ATP6V1D: variants seen among roughly 807,000 people sequenced by gnomAD.
The protein encoded by ATP6V1D is ATPase H+ transporting V1 subunit D.
Under a neutral mutation model 39.4 loss-of-function variants are expected in ATP6V1D, and 20 were observed. The observed-to-expected ratio is 0.51, with a 90% confidence interval of 0.36 to 0.74. ATP6V1D has a LOEUF of 0.74. Among genes scored for constraint, ATP6V1D ranks in the 30% least tolerant of loss-of-function variants. The pLI, the probability that ATP6V1D is intolerant of heterozygous loss-of-function variation, is 0.00. For synonymous variants in ATP6V1D, 100 were observed against 100.5 expected, an observed-to-expected ratio of 0.99 and a Z score of 0.03; for missense variants, 228 against 291.6, an observed-to-expected ratio of 0.78 and a Z score of 1.59.
chr14:67,339,768 T>C (rs930678323), intron 8 of ATP6V1D, among the ~76,000 whole-genome samples: 1 of 152,152 alleles, frequency 6.6e-6, no homozygotes, highest in African/African-American at 2.4e-5. Flanking sequence ...AGTTTTTATG[T>C]AGGAGGCACC....
chr14:67,344,250 C>T (rs1314074754), intron 6 of ATP6V1D, among the ~76,000 whole-genome samples: 1 of 152,206 alleles, frequency 6.6e-6, no homozygotes, highest in Non-Finnish European at 1.5e-5. Context: ...TTCTCCTAAA[C>T]TTTCCCATAA....
At chr14:67,345,718 G>A (rs1230635745) in intron 6 of ATP6V1D, 50 bp downstream of exon 6, 4 of 1,294,858 alleles carry the variant, frequency 3.1e-6, no homozygotes, top group Non-Finnish European at 4.5e-6. Context: ...TCCTCCACTT[G>A]ACTGTTACAA....
intron 2 of ATP6V1D, among the ~76,000 whole-genome samples, chr14:67,351,862 A>G (rs766066506): frequency 1.4e-5 from 2 of 147,398 alleles, no homozygotes; most frequent in Non-Finnish European, 1.5e-5. Flanking sequence ...CGTGGAAAAA[A>G]TATTTTTAAC....
chr14:67,344,808 G>A (rs533806616), intron 6 of ATP6V1D, among the ~76,000 whole-genome samples: 1 of 151,846 alleles, frequency 6.6e-6, no homozygotes, highest in South Asian at 2.1e-4. Context: ...TTGAGCCCAG[G>A]AGATCCAGGC....
intron 3 of ATP6V1D, among the ~76,000 whole-genome samples, chr14:67,349,442 T>C (rs1029278123): frequency 6.6e-6 from 1 of 152,246 alleles, no homozygotes; most frequent in African/African-American, 2.4e-5. Flanking sequence ...AAAACTCCTT[T>C]CTAGGTTTGC....
chr14:67,342,370 T>C (rs1230403707), intron 7 of ATP6V1D, among the ~76,000 whole-genome samples: 2 of 152,020 alleles, frequency 1.3e-5, no homozygotes, highest in South Asian at 2.1e-4. Context: ...CAACACTGAA[T>C]GTGCTGAATT....
chr14:67,351,698 T>C (rs1004190533), intron 2 of ATP6V1D, among the ~76,000 whole-genome samples: 6 of 151,912 alleles, frequency 3.9e-5, no homozygotes, highest in East Asian at 3.9e-4. Context: ...TCTTCTTCTT[T>C]TTTGTAGAGA....
chr14:67,341,948 G>A (rs2085587629), intron 7 of ATP6V1D, among the ~76,000 whole-genome samples: 1 of 151,806 alleles, frequency 6.6e-6, no homozygotes. Flanking sequence ...ATTAAGGGCG[G>A]TGCAAGATGT....
At chr14:67,355,449 C>CAAA (rs564931669) in intron 1 of ATP6V1D, among the ~76,000 whole-genome samples, 314 of 18,874 alleles carry the variant, frequency 0.017, 17 homozygotes, top group Middle Eastern at 0.1. Context: ...GACCCTGTCT[C>CAAA]AAAAAAAAAA....
intron 7 of ATP6V1D, among the ~76,000 whole-genome samples, chr14:67,341,947 G>A (rs1161543659): frequency 6.6e-6 from 1 of 151,760 alleles, no homozygotes; most frequent in African/African-American, 2.4e-5. Context: ...GATTAAGGGC[G>A]GTGCAAGATG....
At chr14:67,345,718 G>T in intron 6 of ATP6V1D, 50 bp downstream of exon 6, 1 of 1,294,850 alleles carries the variant, frequency 7.7e-7, no homozygotes, top group South Asian at 1.2e-5. Flanking sequence ...TCCTCCACTT[G>T]ACTGTTACAA....
Position 67,338,552 on chromosome 14 carries a change from C to A in ATP6V1D, c.*69G>T. ...CCAAAAAATAAATAGCCACACAAAT[C>A]AAACCTACACACTGTGAATTAAAAT... On this transcript the variant is annotated 3_prime_UTR_variant, in exon 9 of 9. Transcript: ENST00000216442. The A allele has an allele frequency of 6.9e-7, 1 of 1,458,684 alleles. No homozygotes were observed. The highest frequency in any genetic ancestry group is 1.5e-5 in the South Asian group (1 of 67,470). 90.4% of individuals were successfully genotyped at this position (1,458,684 alleles called of 1,614,324 possible).
At chr14:67,343,253 G>A in intron 7 of ATP6V1D, 119 bp downstream of exon 7, 1 of 704,100 alleles carries the variant, frequency 1.4e-6, no homozygotes, top group East Asian at 2.7e-5. Flanking sequence ...TGCACTGTGG[G>A]CAAGGGAAGC....
chr14:67,359,645 T>C lies in ATP6V1D; in HGVS notation c.41+13A>G, dbSNP rs1207138967. On this transcript the variant is annotated intron_variant, in intron 1 of 8. Coordinates refer to ENST00000216442, the MANE Select transcript of ATP6V1D (RefSeq NM_015994.4). ...AAACCTGTGAAAGCGGCTTATCCCA[T>C]TCCTTTACTTACATTCGCGAGGGAA... 6 of 1,613,902 alleles carry C rather than the reference T, an allele frequency of 3.7e-6. No homozygotes were observed. Among genetic ancestry groups the C allele is most frequent in the Non-Finnish European group, 4.2e-6 (5 of 1,180,024 alleles).
chr14:67,341,479 G>A (rs896257821), intron 7 of ATP6V1D, among the ~76,000 whole-genome samples: 9 of 151,382 alleles, frequency 5.9e-5, no homozygotes, highest in South Asian at 2.1e-4. Flanking sequence ...GTCAGCCCCC[G>A]GCCCGGCCAG....
intron 1 of ATP6V1D, among the ~76,000 whole-genome samples, chr14:67,358,336 ACTT>A (rs2085700212): frequency 6.6e-6 from 1 of 152,138 alleles, no homozygotes; most frequent in African/African-American, 2.4e-5. Context: ...AAATTTAAAA[ACTT>A]CATTTCATTA....
chr14:67,350,186 A>T (rs577608646), intron 3 of ATP6V1D, among the ~76,000 whole-genome samples: 1 of 152,208 alleles, frequency 6.6e-6, no homozygotes, highest in South Asian at 2.1e-4. Flanking sequence ...AATTCTCAAA[A>T]ATTTATCCTA....
At chr14:67,344,247 A>C (rs2085605120) in intron 6 of ATP6V1D, among the ~76,000 whole-genome samples, 1 of 152,214 alleles carries the variant, frequency 6.6e-6, no homozygotes, top group Admixed American at 6.5e-5. Context: ...CCCTTCTCCT[A>C]AACTTTCCCA....
Position 67,352,906 on chromosome 14 carries a change from AG to A in ATP6V1D, c.159+16del. 2 of 1,548,260 alleles carry A rather than the reference AG, an allele frequency of 1.3e-6. No homozygotes were observed. The highest frequency in any genetic ancestry group is 1.8e-6 in the Non-Finnish European group (2 of 1,129,520). On this transcript the variant is annotated intron_variant, in intron 2 of 8. Transcript: ENST00000216442. ...TTTTTCTAAAATAAATACTATTCTA[AG>A]AAAAGTTCATTCTACCTCTATTATC... is the stretch of plus-strand genomic sequence containing the variant.
Sources: gnomAD v4.1 joint callset for allele counts (sites outside exome capture counted in the v4.1 genomes callset) on GRCh38, gnomAD v4.1.1 for gene constraint, MANE v1.5 for transcripts, NCBI Gene and HGNC (gene_info 2026-07-23, HGNC 2026-07-21) for gene names.